Variants in ZSCAN23 observed in about 807,000 individuals in gnomAD.
ZSCAN23 encodes the protein zinc finger and SCAN domain containing 23.
In ZSCAN23, 19 loss-of-function variants were observed where a neutral mutation model predicts 19.3. The observed-to-expected ratio is 0.99, with a 90% CI of 0.69 to 1.45. ZSCAN23 has a LOEUF of 1.45. ZSCAN23 is among the 40% of genes most tolerant of loss of function. ZSCAN23 has a pLI of 0.00. For synonymous variants in ZSCAN23, 140 were observed against 166.2 expected (o/e 0.84, Z 1.21); for missense variants, 372 against 462.5 (o/e 0.80, Z 1.79).
At chr6:28,443,150 G>A (rs547257007) in intron 1 of ZSCAN23, among the ~76,000 whole-genome samples, 16 of 152,174 alleles carry the variant, frequency 1.1e-4, no homozygotes, top group Non-Finnish European at 2.1e-4. Context: ...AGTGCCATCA[G>A]TACAGGGCAG....
At chr6:28,437,736 ACT>A (rs1761922491) in intron 1 of ZSCAN23, among the ~76,000 whole-genome samples, 1 of 152,082 alleles carries the variant, frequency 6.6e-6, no homozygotes, top group Non-Finnish European at 1.5e-5. Context: ...TTTGACCAGG[ACT>A]CTTATTAAGA....
chr6:28,436,428 A>T (rs916525665), intron 1 of ZSCAN23, 85 bp from the exon 2 acceptor site: 6 of 648,476 alleles, frequency 9.3e-6, no homozygotes, highest in Non-Finnish European at 1.5e-5. Flanking sequence ...CACTAAAATC[A>T]GTCACTCTGT....
chr6:28,438,809 T>G (rs966736735), intron 1 of ZSCAN23, among the ~76,000 whole-genome samples: 1 of 152,150 alleles, frequency 6.6e-6, no homozygotes, highest in Non-Finnish European at 1.5e-5. Flanking sequence ...AAGATGAGAT[T>G]TGGATGGGGA....
chr6:28,441,046 A>C (rs1447288655), intron 1 of ZSCAN23, among the ~76,000 whole-genome samples: 2 of 152,234 alleles, frequency 1.3e-5, no homozygotes, highest in African/African-American at 2.4e-5. Flanking sequence ...TAGCATAATA[A>C]GTCTTACCTT....
In ZSCAN23 at chr6:28,436,272, G is replaced by A. The variant is rs1761886067; in HGVS notation, c.-6C>T. ...AGGGTCAAGGTTATGGCCATCAAAG[G>A]TTTAACTATTCAGAAAAATAATCTA... On this transcript the variant is annotated 5_prime_UTR_variant, in exon 2 of 4. Coordinates refer to ENST00000289788, the MANE Select transcript of ZSCAN23 (RefSeq NM_001012455.2). 2 of 1,516,318 alleles carry A rather than the reference G, an allele frequency of 1.3e-6. No individual in the cohort carries two copies. Among genetic ancestry groups the A allele is most frequent in the African/African-American group, 1.4e-5 (1 of 71,506 alleles). 93.9% of individuals were successfully genotyped at this position (1,516,318 alleles called of 1,614,324 possible).
chr6:28,430,844 C>T (rs1178484498), downstream of ZSCAN23, among the ~76,000 whole-genome samples: 3 of 152,124 alleles, frequency 2.0e-5, no homozygotes, highest in Non-Finnish European at 2.9e-5. Context: ...CAATATCTGC[C>T]CCCTTCCCCT....
At position 28,434,793 on chromosome 6, in the gene ZSCAN23, T is replaced by G. The variant is rs1463555747; in HGVS notation, c.842A>C (p.Glu281Ala). 1 of 1,600,464 alleles carries G rather than the reference T, an allele frequency of 6.2e-7. No individual in the cohort carries two copies. The change falls in exon 4 of 4, where the codon GAG (glutamate) becomes GCG (alanine). Residue 281 changes from glutamate (E) to alanine (A), a missense_variant. By Grantham distance (107) the Glu-to-Ala change is moderately radical (BLOSUM62 -1). Transcript: ENST00000289788. ...HTGEKPYECD[E>A]CGRAFSQRSG... ...CCTCTGGCTGAAGGCCCGCCCACAC[T>G]CATCACATTCATAAGGCTTCTCACC... is the stretch of plus-strand genomic sequence containing the variant.
At chr6:28,422,708 T>TTA in the ZSCAN23 span, among the ~76,000 whole-genome samples, 1 of 151,550 alleles carries the variant, frequency 6.6e-6, no homozygotes, top group Non-Finnish European at 1.5e-5. The surrounding 1 kb of genome is among the most constrained non-coding windows in gnomAD (Gnocchi z 4.0). Context: ...CAGGATTTTT[T>TTA]AAAAAAAACA....
chr6:28,427,224 C>T (rs1205513968), downstream of ZSCAN23, among the ~76,000 whole-genome samples: 1 of 152,220 alleles, frequency 6.6e-6, no homozygotes, highest in Non-Finnish European at 1.5e-5. Context: ...AATCCTTTTC[C>T]TACCAGATGC....
At chr6:28,424,965 T>A in the ZSCAN23 span, among the ~76,000 whole-genome samples, 1 of 152,200 alleles carries the variant, frequency 6.6e-6, no homozygotes, top group Non-Finnish European at 1.5e-5. Flanking sequence ...TTTGCTCAGA[T>A]CCATCAGAGG....
At chr6:28,432,646 C>A (rs776193637), downstream of ZSCAN23, 1 of 152,064 alleles carries the variant, frequency 6.6e-6, no homozygotes, top group Non-Finnish European at 1.5e-5. Context: ...AAGAATGAAA[C>A]AGAATATGTA....
chr6:28,436,230 G>A lies in ZSCAN23; in HGVS notation c.37C>T (p.Gln13Ter), dbSNP rs775104582. The A allele has an allele frequency of 1.2e-5, 18 of 1,551,464 alleles. No individual in the cohort carries two copies. In the South Asian group the frequency reaches 2.0e-4, roughly 17 times the overall value. The stretch of plus-strand genomic sequence containing the variant: ...ACCTTCACTGCCAGAAGTCCTTCCT[G>A]CATCTCTGCAGTCTGAAGGGTCAAG... ...ITLTLQTAEM[Q>*]EGLLAVKVKE... The change falls in exon 2 of 4, where the codon CAG becomes TAG. Residue 13 changes from glutamine (Q) to a stop codon, truncating the protein, a stop_gained. Coordinates refer to ENST00000289788, the MANE Select transcript of ZSCAN23 (RefSeq NM_001012455.2). LOFTEE classifies it high-confidence loss of function.
chr6:28,436,132 C>A lies in ZSCAN23; in HGVS notation c.135G>T (p.Glu45Asp). ...ACTGCCTGAAGCGTCTACGAAAGATCTCTCTGGTATGAGGGTTATTTCTTG... is the reference window on the plus strand; with the variant it reads ...ACTGCCTGAAGCGTCTACGAAAGATATCTCTGGTATGAGGGTTATTTCTTG... ...GLSRNNPHTR[E>D]IFRRRFRQFC... Residue 45 changes from glutamate (E) to aspartate (D), a missense_variant, in exon 2 of 4, where the codon GAG becomes GAT. By Grantham distance (45) the Glu-to-Asp change is conservative. Coordinates refer to ENST00000289788, the MANE Select transcript of ZSCAN23 (RefSeq NM_001012455.2). 1 of 1,606,012 alleles carries A rather than the reference C, an allele frequency of 6.2e-7. No individual in the cohort carries two copies. Among genetic ancestry groups the A allele is most frequent in the Non-Finnish European group, 8.5e-7 (1 of 1,175,850 alleles).
At chr6:28,435,147 A>C in intron 3 of ZSCAN23, 69 bp from the exon 4 acceptor site, 1 of 1,448,308 alleles carries the variant, frequency 6.9e-7, no homozygotes, top group Admixed American at 2.8e-5. Context: ...CCAAAGACAA[A>C]AGAAAAAAAG....
chr6:28,427,039 C>T (rs186032294), downstream of ZSCAN23, among the ~76,000 whole-genome samples: 56 of 152,270 alleles, frequency 3.7e-4, no homozygotes, highest in African/African-American at 1.0e-3. Context: ...GTGATCCACC[C>T]GCCTCGGCCT....
rs762466232 is a variant in ZSCAN23 at position 28,434,826 on chromosome 6, G to A, written c.809C>T (p.Thr270Ile). Residue 270 changes from threonine to isoleucine, a missense_variant, in exon 4 of 4, where the codon ACA (threonine) becomes ATA (isoleucine). Coordinates refer to ENST00000289788, the MANE Select transcript of ZSCAN23 (RefSeq NM_001012455.2). ...TTCATAAGGCTTCTCACCTGTGTGT[G>A]TTCTCTGGTGCTCGATAAGGATGGA... ...QNSILIEHQR[T>I]HTGEKPYECD... 1.9e-6 allele frequency: 3 copies of A among 1,594,292 alleles called. No homozygotes were observed. The African/African-American group carries it at 4.0e-5, about 21-fold the overall frequency.
chr6:28,439,316 T>C (rs937097587), intron 1 of ZSCAN23, among the ~76,000 whole-genome samples: 3 of 152,096 alleles, frequency 2.0e-5, no homozygotes, highest in Admixed American at 1.3e-4. Flanking sequence ...TTCGAACTCC[T>C]GACCTCGTGA....
At chr6:28,437,564 C>A (rs1321804402) in intron 1 of ZSCAN23, among the ~76,000 whole-genome samples, 5 of 152,042 alleles carry the variant, frequency 3.3e-5, no homozygotes, top group Admixed American at 6.5e-5. Flanking sequence ...GCCTGGGCGA[C>A]AGAGCAAGAC....
At position 28,434,444 on chromosome 6, in the gene ZSCAN23, T is replaced by TC; in HGVS notation, c.*20dup. 2.0e-6 allele frequency: 3 copies of TC among 1,507,974 alleles called. No homozygotes were observed. Among genetic ancestry groups the TC allele is most frequent in the Non-Finnish European group, 2.7e-6 (3 of 1,123,376 alleles). 93.4% of individuals were successfully genotyped at this position (1,507,974 alleles called of 1,614,324 possible). On this transcript the variant is annotated 3_prime_UTR_variant, in exon 4 of 4. Coordinates refer to ENST00000289788, the MANE Select transcript of ZSCAN23 (RefSeq NM_001012455.2). ...AGCAGGGACAAAGTAAGAAATATTA[T>TC]CCCCTACCTGTTCCAAGGAGCTAGC...
Sources: gnomAD v4.1 joint callset for allele counts (sites outside exome capture counted in the v4.1 genomes callset) on GRCh38, gnomAD v4.1.1 for gene constraint, Gnocchi (gnomAD v3.1) non-coding constraint, MANE v1.5 for transcripts, NCBI Gene and HGNC (gene_info 2026-07-23, HGNC 2026-07-21) for gene names.